ERMAP: variants seen among roughly 807,000 people sequenced by gnomAD.
ERMAP encodes the protein erythroblast membrane associated protein (Scianna blood group).
A neutral mutation model predicts 49.5 loss-of-function variants in ERMAP; 34 were observed. The ratio of observed to expected loss-of-function variants is 0.69; its 90% CI spans 0.52 to 0.91. The LOEUF (loss-of-function observed/expected upper bound fraction) is 0.91. ERMAP is among the 40% of genes least tolerant of loss of function. The pLI, the probability that ERMAP is intolerant of heterozygous loss-of-function variation, is 0.00. For synonymous variants in ERMAP, 214 were observed against 232.2 expected, an observed-to-expected ratio of 0.92 and a Z score of 0.71; for missense variants, 541 against 582.6, an observed-to-expected ratio of 0.93 and a Z score of 0.74.
Position 42,844,389 on chromosome 1 carries a change from T to C in ERMAP, c.*1157T>C. ...ATACACAGTTCTATCCAACAGAAAC[T>C]GTATCTTTCTGTTTGTCAGAAGTTC... On this transcript the variant is annotated 3_prime_UTR_variant, in exon 12 of 12. Transcript: ENST00000372517. The surrounding 1 kb of genome is among the most constrained non-coding windows in gnomAD (Gnocchi z 4.0). 1 of 336,838 alleles carries C rather than the reference T, an allele frequency of 3.0e-6. No homozygotes were observed. The highest frequency in any genetic ancestry group is 5.3e-6 in the Non-Finnish European group (1 of 187,912). 20.9% of individuals were successfully genotyped at this position (336,838 alleles called of 1,614,324 possible).
chr1:42,830,068 T>G, intron 2 of ERMAP: 1 of 181,144 alleles, frequency 5.5e-6, no homozygotes. Context: ...AAAAAGGCCA[T>G]TACTGGTGTT....
intron 4 of ERMAP, among the ~76,000 whole-genome samples, chr1:42,833,352 G>A (rs1257085058): frequency 1.7e-4 from 26 of 152,212 alleles, no homozygotes; most frequent in Non-Finnish European, 7.3e-5. Context: ...TAACATTTTT[G>A]TATCTTTCTT....
chr1:42,836,963 G>A (rs957418474), intron 6 of ERMAP, 195 bp from the exon 7 acceptor site: 18 of 555,570 alleles, frequency 3.2e-5, no homozygotes, highest in Non-Finnish European at 5.5e-5. Flanking sequence ...GAGACCAGAG[G>A]GATTAAGACA....
Position 42,844,334 on chromosome 1 carries a change from T to C in ERMAP, c.*1102T>C, listed in dbSNP as rs1655153553. The C allele has an allele frequency of 7.7e-6, 3 of 388,420 alleles. No individual in the cohort carries two copies. The East Asian group carries it at 1.1e-4, about 14-fold the overall frequency. 24.1% of individuals were successfully genotyped at this position (388,420 alleles called of 1,614,324 possible). Reference sequence around the variant, plus strand: ...TCATATATGCGATCTGGCCTAACCATGGAGATATTGGTTATCAGTTTGCAG... The same window carrying C: ...TCATATATGCGATCTGGCCTAACCACGGAGATATTGGTTATCAGTTTGCAG... On this transcript the variant is annotated 3_prime_UTR_variant, in exon 12 of 12. Transcript: ENST00000372517. This position sits in a 1 kb window ranked among gnomAD's most constrained non-coding sequence, Gnocchi z 4.0.
At chr1:42,839,991 G>A (rs1397872186) in intron 8 of ERMAP, 42 bp from the exon 9 acceptor site, 2 of 1,611,010 alleles carry the variant, frequency 1.2e-6, no homozygotes, top group African/African-American at 2.7e-5. Context: ...CCTCTACATA[G>A]AGGCCCTCCT....
chr1:42,830,154 TAG>T (rs2124310132), intron 2 of ERMAP: 2 of 416,778 alleles, frequency 4.8e-6, no homozygotes, highest in South Asian at 5.5e-5. Context: ...TCACGGCATT[TAG>T]AGACTTAACA....
intron 6 of ERMAP, chr1:42,836,941 CAG>C (rs1654919294): frequency 2.4e-6 from 1 of 419,406 alleles, no homozygotes; most frequent in Non-Finnish European, 4.3e-6. Context: ...TCTCAGGCTG[CAG>C]AGTTTAGTAG....
chr1:42,830,561 C>G, intron 3 of ERMAP, 28 bp downstream of exon 3: 1 of 1,602,596 alleles, frequency 6.2e-7, no homozygotes, highest in South Asian at 1.1e-5. Context: ...TCTTTCCCTG[C>G]CTGGTACATG....
intron 1 of ERMAP, among the ~76,000 whole-genome samples, chr1:42,818,380 A>T (rs1438638021): frequency 3.3e-5 from 5 of 152,260 alleles, no homozygotes; most frequent in Non-Finnish European, 2.9e-5. Context: ...AGTGGCTAGG[A>T]GAGAGGGAAA....
chr1:42,842,452 A>G (rs1244076830), intron 11 of ERMAP, 65 bp from the exon 12 acceptor site: 12 of 1,453,950 alleles, frequency 8.3e-6, no homozygotes, highest in Non-Finnish European at 1.1e-5. Context: ...TTTTCCCTCC[A>G]AAGCCATCCC....
At chr1:42,834,582 T>C (rs35805842) in intron 4 of ERMAP, 26,637 of 284,632 alleles carry the variant, frequency 0.094, 1,502 homozygotes, top group East Asian at 0.21. Flanking sequence ...TGAGATGGAG[T>C]TTCACTCTTG....
chr1:42,830,560 G>A (rs978069746), intron 3 of ERMAP, 27 bp downstream of exon 3: 1 of 1,604,002 alleles, frequency 6.2e-7, no homozygotes, highest in African/African-American at 1.3e-5. Context: ...CTCTTTCCCT[G>A]CCTGGTACAT....
In ERMAP at chr1:42,821,981, C is replaced by A. The variant is rs148002391; in HGVS notation, c.-121-3642C>A. Among the ~76,000 whole-genome samples the A allele has an allele frequency of 3.0e-3, 446 of 148,934 alleles. 1 individual carries two copies. The highest frequency in any genetic ancestry group is 5.0e-3 in the Non-Finnish European group (340 of 67,496). ...TGAGCTATGATTGTGCCTTTGCACTCCAGCCTGGGCAACAGAGCTAGACCC... is the reference window on the plus strand; with the variant it reads ...TGAGCTATGATTGTGCCTTTGCACTACAGCCTGGGCAACAGAGCTAGACCC... On this transcript the variant is annotated intron_variant, in intron 1 of 11. Coordinates refer to ENST00000372517, the MANE Select transcript of ERMAP (RefSeq NM_001017922.2).
At chr1:42,838,066 T>C (rs539055020) in intron 7 of ERMAP, 1 of 152,200 alleles carries the variant, frequency 6.6e-6, no homozygotes, top group Non-Finnish European at 1.5e-5. Flanking sequence ...GCAAATTTTG[T>C]GTCCCTTTGA....
intron 2 of ERMAP, among the ~76,000 whole-genome samples, chr1:42,827,935 A>G (rs757262663): frequency 6.6e-6 from 1 of 152,136 alleles, no homozygotes; most frequent in Non-Finnish European, 1.5e-5. Flanking sequence ...CCTACTTTTC[A>G]GAGATGTTGT....
chr1:42,824,925 T>C (rs1654501383), intron 1 of ERMAP, among the ~76,000 whole-genome samples: 1 of 152,182 alleles, frequency 6.6e-6, no homozygotes, highest in East Asian at 1.9e-4. Flanking sequence ...GCAGCTTGCC[T>C]GCAAGTCTCA....
At chr1:42,837,279 AT>A in intron 7 of ERMAP, 89 bp downstream of exon 7, 1 of 1,381,468 alleles carries the variant, frequency 7.2e-7, no homozygotes, top group Non-Finnish European at 1.0e-6. Context: ...TTATAAGTCT[AT>A]TTTTATAATA....
At chr1:42,826,738 C>T (rs1214392379) in intron 2 of ERMAP, among the ~76,000 whole-genome samples, 2 of 151,948 alleles carry the variant, frequency 1.3e-5, no homozygotes, top group Non-Finnish European at 2.9e-5. Context: ...CGCCTGTAGT[C>T]CCAGGTACTC....
intron 1 of ERMAP, among the ~76,000 whole-genome samples, chr1:42,822,188 A>AT (rs202208513): frequency 0.012 from 1,811 of 147,118 alleles, 61 homozygotes; most frequent in South Asian, 0.12. Flanking sequence ...TAAAAAATTA[A>AT]TTTTTTTTTT....
Sources: gnomAD v4.1 joint callset for allele counts (sites outside exome capture counted in the v4.1 genomes callset) on GRCh38, gnomAD v4.1.1 for gene constraint, Gnocchi (gnomAD v3.1) non-coding constraint, MANE v1.5 for transcripts, NCBI Gene and HGNC (gene_info 2026-07-23, HGNC 2026-07-21) for gene names.